RIMS2: variants seen among roughly 807,000 people sequenced by gnomAD.
RIMS2 encodes the protein regulating synaptic membrane exocytosis 2.
RIMS2 carries 59 observed loss-of-function variants against 174.4 expected under a neutral mutation model. That is an observed-to-expected ratio of 0.34 (90% CI 0.27 to 0.42). The LOEUF (loss-of-function observed/expected upper bound fraction) is 0.42, where lower values mean the gene tolerates loss of function less well. Among genes scored for constraint, RIMS2 ranks in the 10% least tolerant of loss-of-function variants. The pLI, the probability that RIMS2 is intolerant of heterozygous loss-of-function variation, is 1.00. For missense variants in RIMS2, 1,620 were observed against 1,666.3 expected, an observed-to-expected ratio of 0.97 and a Z score of 0.48; for synonymous variants, 606 against 572.5, an observed-to-expected ratio of 1.06 and a Z score of -0.84.
At chr8:103,860,782 A>T (rs2099054548) in intron 3 of RIMS2, among the ~76,000 whole-genome samples, 1 of 75,180 alleles carries the variant, frequency 1.3e-5, no homozygotes, top group African/African-American at 7.2e-5. Flanking sequence ...AATATTGTAA[A>T]ATAATGTTTT....
intron 19 of RIMS2, among the ~76,000 whole-genome samples, chr8:104,117,965 A>T (rs1305732905): frequency 6.6e-6 from 1 of 152,176 alleles, no homozygotes; most frequent in Non-Finnish European, 1.5e-5. Flanking sequence ...ATGATTACAC[A>T]GATTGTTTAG....
chr8:103,688,143 G>A (rs1253413593), intron 1 of RIMS2, among the ~76,000 whole-genome samples: 1 of 152,042 alleles, frequency 6.6e-6, no homozygotes, highest in Non-Finnish European at 1.5e-5. Flanking sequence ...TTGAATATAA[G>A]TTGCAATAGT....
intron 1 of RIMS2, among the ~76,000 whole-genome samples, chr8:103,525,549 G>A (rs534567267): frequency 1.3e-5 from 2 of 152,252 alleles, no homozygotes; most frequent in Admixed American, 1.3e-4. Flanking sequence ...GGACAGAGGA[G>A]GGTATGGCAC....
At chr8:103,652,746 T>G in intron 1 of RIMS2, 36 bp downstream of exon 3, 1 of 1,137,648 alleles carries the variant, frequency 8.8e-7, no homozygotes, top group Non-Finnish European at 1.2e-6. Flanking sequence ...AAATATTATC[T>G]CTGATAGTAT....
intron 2 of RIMS2, among the ~76,000 whole-genome samples, chr8:103,717,138 C>CTTTTTTTTTTTTTTTTTTTTTTTTT: frequency 8.8e-6 from 1 of 113,106 alleles, no homozygotes; most frequent in Non-Finnish European, 1.7e-5. Flanking sequence ...ATAGTGCCTT[C>CTTTTTTTTTTTTTTTTTTTTTTTTT]TTTTTTTTTT....
chr8:103,857,656 A>G (rs2099035427), intron 3 of RIMS2, among the ~76,000 whole-genome samples: 1 of 152,226 alleles, frequency 6.6e-6, no homozygotes, highest in Non-Finnish European at 1.5e-5. Context: ...AGTTTATCAT[A>G]CAATTATTAT....
At chr8:103,798,297 T>C (rs2098569085) in intron 3 of RIMS2, among the ~76,000 whole-genome samples, 1 of 152,182 alleles carries the variant, frequency 6.6e-6, no homozygotes. Flanking sequence ...TTGACTACTT[T>C]TGTACATTAA....
intron 19 of RIMS2, among the ~76,000 whole-genome samples, chr8:104,183,299 A>G (rs972228162): frequency 6.6e-6 from 1 of 151,782 alleles, no homozygotes; most frequent in Non-Finnish European, 1.5e-5. Flanking sequence ...ATAGCAATTA[A>G]GTAGGACTTT....
At chr8:104,092,704 CT>C (rs770648158) in intron 19 of RIMS2, among the ~76,000 whole-genome samples, 151 of 151,874 alleles carry the variant, frequency 9.9e-4, no homozygotes, top group Non-Finnish European at 1.8e-3. Flanking sequence ...AAAGTCTATC[CT>C]TTTTACATCT....
intron 1 of RIMS2, among the ~76,000 whole-genome samples, chr8:103,571,004 C>G (rs2092766553): frequency 6.6e-6 from 1 of 152,072 alleles, no homozygotes; most frequent in Non-Finnish European, 1.5e-5. Context: ...TTGTACTGTC[C>G]TAATGATCAA....
At chr8:103,580,825 C>CTTTTT (rs61559970) in intron 1 of RIMS2, among the ~76,000 whole-genome samples, 3,152 of 113,318 alleles carry the variant, frequency 0.028, 163 homozygotes, top group Non-Finnish European at 0.042. Context: ...AAAGGGAATA[C>CTTTTT]TTTTTTTTTT....
chr8:104,064,581 A>G (rs1165031409), intron 19 of RIMS2, among the ~76,000 whole-genome samples: 1 of 152,098 alleles, frequency 6.6e-6, no homozygotes, highest in Non-Finnish European at 1.5e-5. Flanking sequence ...ATACATATCA[A>G]AAAACAGAGG....
chr8:103,617,732 C>A (rs948696858), intron 1 of RIMS2, among the ~76,000 whole-genome samples: 1 of 152,014 alleles, frequency 6.6e-6, no homozygotes, highest in Admixed American at 6.6e-5. Flanking sequence ...GATGTATATG[C>A]GGTCAACAGG....
intron 1 of RIMS2, among the ~76,000 whole-genome samples, chr8:103,543,102 A>T (rs1032748167): frequency 1.3e-5 from 2 of 152,170 alleles, no homozygotes; most frequent in African/African-American, 4.8e-5. Context: ...AAATAATATG[A>T]TCTTATATAC....
chr8:103,690,989 T>A (rs1430070466), intron 1 of RIMS2, among the ~76,000 whole-genome samples: 4 of 152,236 alleles, frequency 2.6e-5, no homozygotes, highest in Non-Finnish European at 5.9e-5. Flanking sequence ...AGGATAAAAG[T>A]TGTTTTCTTT....
At chr8:103,697,974 AAAG>A (rs1324389141) in intron 2 of RIMS2, among the ~76,000 whole-genome samples, 1 of 128,446 alleles carries the variant, frequency 7.8e-6, no homozygotes, top group Non-Finnish European at 1.7e-5. Context: ...CTCTGTCTCA[AAAG>A]AAAAAAATTT....
chr8:103,655,995 G>A (rs1360326986), intron 1 of RIMS2, among the ~76,000 whole-genome samples: 1 of 152,116 alleles, frequency 6.6e-6, no homozygotes, highest in Non-Finnish European at 1.5e-5. Flanking sequence ...GAGAGCAATG[G>A]AAGAGGCCTT....
intron 19 of RIMS2, among the ~76,000 whole-genome samples, chr8:104,155,143 G>A (rs2098713789): frequency 6.6e-6 from 1 of 152,044 alleles, no homozygotes; most frequent in Admixed American, 6.6e-5. Flanking sequence ...GTCTCGCTCT[G>A]TCTCCCAGGC....
In RIMS2 at chr8:103,602,526, T is replaced by C. The variant is rs376515089; in HGVS notation, c.177-94560T>C. Among the ~76,000 whole-genome samples the C allele has an allele frequency of 1.0e-3, 158 of 152,210 alleles. No individual in the cohort carries two copies. The South Asian group carries it at 0.014, about 14-fold the overall frequency. ...CTAGTATCCATGTATTCTCATTGTTTAGCTCCCACTTACAAGTGAGAACAT... is the reference window on the plus strand; with the variant it reads ...CTAGTATCCATGTATTCTCATTGTTCAGCTCCCACTTACAAGTGAGAACAT... On this transcript the variant is annotated intron_variant, in intron 1 of 23. Transcript: ENST00000504942.
Sources: gnomAD v4.1 joint callset for allele counts (sites outside exome capture counted in the v4.1 genomes callset) on GRCh38, gnomAD v4.1.1 for gene constraint, MANE v1.5 for transcripts, NCBI Gene and HGNC (gene_info 2026-07-23, HGNC 2026-07-21) for gene names.